ARHGAP35: variants seen among roughly 807,000 people sequenced by gnomAD.
The protein encoded by ARHGAP35 is Rho GTPase activating protein 35, also known as rho GTPase-activating protein 35.
Under a neutral mutation model 111.1 loss-of-function variants are expected in ARHGAP35, and 15 were observed. The observed-to-expected ratio is 0.13, with a 90% CI of 0.09 to 0.21. ARHGAP35 has a LOEUF of 0.21. ARHGAP35 is among the 10% of genes least tolerant of loss of function. ARHGAP35 has a pLI of 1.00. For synonymous variants in ARHGAP35, 643 were observed against 710.3 expected (o/e 0.91, Z 1.51); for missense variants, 1,262 against 1,873.0 (o/e 0.67, Z 6.02).
chr19:46,870,533 C>T (rs995282738), intron 1 of ARHGAP35, among the ~76,000 whole-genome samples: 3 of 151,584 alleles, frequency 2.0e-5, no homozygotes, highest in African/African-American at 4.8e-5. Flanking sequence ...GAGCCGAGGT[C>T]GTGCCACTGC....
At chr19:46,934,373 G>A (rs540519328) in intron 2 of ARHGAP35, among the ~76,000 whole-genome samples, 1 of 151,766 alleles carries the variant, frequency 6.6e-6, no homozygotes, top group Non-Finnish European at 1.5e-5. Flanking sequence ...TCCCCACCCC[G>A]CCCCTCCTCC....
intron 1 of ARHGAP35, among the ~76,000 whole-genome samples, chr19:46,909,458 G>A (rs573494685): frequency 2.0e-5 from 3 of 152,250 alleles, no homozygotes; most frequent in African/African-American, 7.2e-5. Flanking sequence ...AGAGCTGAAT[G>A]CGCGTAATCA....
chr19:46,997,014 A>C (rs1483182026), intron 5 of ARHGAP35, among the ~76,000 whole-genome samples: 2 of 152,070 alleles, frequency 1.3e-5, no homozygotes, highest in Non-Finnish European at 2.9e-5. Context: ...AAAAATTAGC[A>C]GGCGTGGTGG....
At chr19:46,972,875 C>G (rs564493672) in intron 3 of ARHGAP35, among the ~76,000 whole-genome samples, 2 of 152,274 alleles carry the variant, frequency 1.3e-5, no homozygotes, top group East Asian at 3.9e-4. Flanking sequence ...ACACTGCCTT[C>G]CTTTACTGGA....
At chr19:46,927,123 T>C (rs185601587) in intron 2 of ARHGAP35, among the ~76,000 whole-genome samples, 11 of 152,338 alleles carry the variant, frequency 7.2e-5, no homozygotes, top group Non-Finnish European at 1.6e-4. Context: ...ATTTTCTGTT[T>C]CCTGGAAAAA....
chr19:46,873,410 T>C lies in ARHGAP35; in HGVS notation c.-189+12201T>C, dbSNP rs553406434. Among the ~76,000 whole-genome samples the C allele has an allele frequency of 2.0e-5, 3 of 152,044 alleles. No homozygotes were observed. The East Asian group carries it at 5.8e-4, about 30-fold the overall frequency. ...ACTTTGGTGGGCCGAGGTGGGCGGA[T>C]AATTTGAGGTCAGGAGTTCGAAACT... On this transcript the variant is annotated intron_variant, in intron 1 of 6. Transcript: ENST00000672722.
intron 1 of ARHGAP35, among the ~76,000 whole-genome samples, chr19:46,894,973 C>T (rs2056045762): frequency 6.6e-6 from 1 of 152,062 alleles, no homozygotes. Flanking sequence ...AGGGCCAGAC[C>T]CTTAGGATTT....
chr19:46,879,425 A>G (rs2055945591), intron 1 of ARHGAP35, among the ~76,000 whole-genome samples: 1 of 148,912 alleles, frequency 6.7e-6, no homozygotes, highest in Non-Finnish European at 1.5e-5. Context: ...CGTCTCTACT[A>G]AAAATACAAA....
intron 2 of ARHGAP35, among the ~76,000 whole-genome samples, chr19:46,925,076 G>A (rs1211195706): frequency 6.6e-6 from 1 of 152,034 alleles, no homozygotes; most frequent in Admixed American, 6.6e-5. Flanking sequence ...GTCGGCTTCC[G>A]GTCTATCTTT....
At chr19:46,952,776 T>C (rs1337898245) in intron 3 of ARHGAP35, among the ~76,000 whole-genome samples, 1 of 152,214 alleles carries the variant, frequency 6.6e-6, no homozygotes, top group Non-Finnish European at 1.5e-5. Context: ...CTCCTGGGTC[T>C]CAGGTGATCC....
In ARHGAP35 at chr19:46,965,088, G is replaced by A. The variant is rs867835783; in HGVS notation, c.3827-22901G>A. On this transcript the variant is annotated intron_variant, in intron 3 of 6. Transcript: ENST00000672722. ...AGCGCTTTGGGAGGCCGAGGCGGGCGGATCACCTGAGGTCAGGAGTTTGAG... is the reference window on the plus strand; with the variant it reads ...AGCGCTTTGGGAGGCCGAGGCGGGCAGATCACCTGAGGTCAGGAGTTTGAG... 1.6e-3 allele frequency among the ~76,000 whole-genome samples: 242 copies of A among 152,236 alleles called. 2 individuals are homozygous for A. Among genetic ancestry groups the A allele is most frequent in the African/African-American group, 4.7e-3 (197 of 41,540 alleles).
chr19:46,901,699 C>T lies in ARHGAP35; in HGVS notation c.-188-16789C>T, dbSNP rs984940331. 2.6e-5 allele frequency among the ~76,000 whole-genome samples: 4 copies of T among 152,198 alleles called. No homozygotes were observed. Among genetic ancestry groups the T allele is most frequent in the African/African-American group, 9.6e-5 (4 of 41,452 alleles). On this transcript the variant is annotated intron_variant, in intron 1 of 6. Coordinates refer to ENST00000672722, the MANE Select transcript of ARHGAP35 (RefSeq NM_004491.5). This position sits in a 1 kb window ranked among gnomAD's most constrained non-coding sequence, Gnocchi z 4.5. ...CTGGCAGCAGATACGTTGGCTTTCT[C>T]AGCTGTTGAATTTGAGTGCCCATTC...
intron 1 of ARHGAP35, among the ~76,000 whole-genome samples, chr19:46,895,710 T>C (rs1225003303): frequency 1.3e-5 from 2 of 152,214 alleles, no homozygotes; most frequent in African/African-American, 4.8e-5. Flanking sequence ...GAGAGCATAT[T>C]GAATCCTCTG....
intron 1 of ARHGAP35, among the ~76,000 whole-genome samples, chr19:46,911,326 G>A (rs1023959072): frequency 6.6e-6 from 1 of 152,044 alleles, no homozygotes; most frequent in African/African-American, 2.4e-5. Flanking sequence ...TTATGGTTTG[G>A]CTATTTTTTT....
chr19:46,912,045 C>CTT (rs952290963), intron 1 of ARHGAP35, among the ~76,000 whole-genome samples: 5 of 139,946 alleles, frequency 3.6e-5, no homozygotes, highest in Non-Finnish European at 6.3e-5. Context: ...CCCTTCTTTT[C>CTT]TTTTTTTTTT....
intron 1 of ARHGAP35, among the ~76,000 whole-genome samples, chr19:46,900,354 G>A (rs552939555): frequency 2.2e-4 from 33 of 151,814 alleles, no homozygotes; most frequent in African/African-American, 7.5e-4. Context: ...CCAAGTAGCT[G>A]GAATTACAGG....
At chr19:46,862,579 C>G (rs966132084) in intron 1 of ARHGAP35, among the ~76,000 whole-genome samples, 5 of 152,152 alleles carry the variant, frequency 3.3e-5, no homozygotes, top group Admixed American at 2.6e-4. Context: ...CCTACACTTT[C>G]TTCTCGTTTT....
chr19:46,947,460 C>T (rs1459905403), intron 3 of ARHGAP35: 1 of 152,090 alleles, frequency 6.6e-6, no homozygotes, highest in African/African-American at 2.4e-5. Flanking sequence ...AACTCTTTGG[C>T]AGTTTATTAA....
chr19:46,956,046 A>C (rs2056437325), intron 3 of ARHGAP35, among the ~76,000 whole-genome samples: 2 of 152,220 alleles, frequency 1.3e-5, no homozygotes, highest in African/African-American at 4.8e-5. Context: ...GCCAGGGCAC[A>C]GTGGCTCATG....
Sources: gnomAD v4.1 joint callset for allele counts (sites outside exome capture counted in the v4.1 genomes callset) on GRCh38, gnomAD v4.1.1 for gene constraint, Gnocchi (gnomAD v3.1) non-coding constraint, MANE v1.5 for transcripts, NCBI Gene and HGNC (gene_info 2026-07-23, HGNC 2026-07-21) for gene names.